APBB2: variants seen among roughly 807,000 people sequenced by gnomAD.
APBB2 encodes the protein amyloid beta precursor protein binding family B member 2.
In APBB2, 38 loss-of-function variants were observed where a neutral mutation model predicts 82.5. The observed-to-expected ratio is 0.46, with a 90% CI of 0.36 to 0.60. The LOEUF is 0.60. APBB2 is among the 20% of genes least tolerant of loss of function. The pLI is 0.00. For synonymous variants in APBB2, 341 were observed against 368.2 expected, an observed-to-expected ratio of 0.93 and a Z score of 0.85; for missense variants, 772 against 972.3, an observed-to-expected ratio of 0.79 and a Z score of 2.74.
chr4:40,951,553 G>A lies in APBB2; in HGVS notation c.836-6480C>T, dbSNP rs540312525. On this transcript the variant is annotated intron_variant, in intron 6 of 17. Transcript: ENST00000508593. ...TGCGTGGCAACTGAAGTGTCAATGC[G>A]GTAGGGACCTTCGTATCGTGGCTCA... Among the ~76,000 whole-genome samples the A allele has an allele frequency of 3.9e-5, 6 of 152,360 alleles. No individual in the cohort carries two copies. In the East Asian group the frequency reaches 9.6e-4, roughly 24 times the overall value.
At chr4:40,837,226 C>A (rs148232612) in intron 12 of APBB2, among the ~76,000 whole-genome samples, 1 of 152,186 alleles carries the variant, frequency 6.6e-6, no homozygotes, top group African/African-American at 2.4e-5. Flanking sequence ...AGGCGTCAGG[C>A]AGCCAAGCAG....
intron 12 of APBB2, among the ~76,000 whole-genome samples, chr4:40,842,938 G>T (rs745574307): frequency 1.1e-4 from 17 of 152,142 alleles, no homozygotes; most frequent in Non-Finnish European, 2.4e-4. Flanking sequence ...CAGCTCAATG[G>T]GGGAGAGATC....
At chr4:40,948,174 T>C (rs117506378) in intron 6 of APBB2, among the ~76,000 whole-genome samples, 2 of 152,350 alleles carry the variant, frequency 1.3e-5, no homozygotes, top group East Asian at 1.9e-4. Flanking sequence ...TTATTTTTCA[T>C]ACTGAGAAGT....
At chr4:41,062,123 G>A (rs6852523) in intron 4 of APBB2, among the ~76,000 whole-genome samples, 14,129 of 152,116 alleles carry the variant, frequency 0.093, 2,157 homozygotes, top group African/African-American at 0.32. Context: ...AGTAGCCTCT[G>A]CAGAACGTCA....
intron 12 of APBB2, chr4:40,880,119 T>C (rs980546784): frequency 3.0e-6 from 3 of 985,266 alleles, no homozygotes; most frequent in African/African-American, 3.5e-5. Context: ...TGATCTCCAG[T>C]GCGGATGGAG....
intron 1 of APBB2, among the ~76,000 whole-genome samples, chr4:41,165,534 TA>T (rs1272409210): frequency 6.6e-6 from 1 of 152,142 alleles, no homozygotes; most frequent in Non-Finnish European, 1.5e-5. Flanking sequence ...CTTAGCTCTT[TA>T]GTAATGCAAT....
intron 6 of APBB2, among the ~76,000 whole-genome samples, chr4:40,960,567 C>T (rs1235094293): frequency 2.0e-5 from 3 of 151,272 alleles, no homozygotes; most frequent in Non-Finnish European, 4.4e-5. Context: ...CCTGCCTCAG[C>T]CTCCTGAGTA....
At position 40,839,195 on chromosome 4, in the gene APBB2, A is replaced by C. The variant is rs536211258; in HGVS notation, c.1530-8618T>G. Among the ~76,000 whole-genome samples the C allele has an allele frequency of 5.3e-5, 8 of 152,136 alleles. No individual in the cohort carries two copies. The East Asian group carries it at 1.5e-3, about 29-fold the overall frequency. On this transcript the variant is annotated intron_variant, in intron 12 of 17. Transcript: ENST00000508593. ...TAGACTCAAGCGATCCTCCCGTCTC[A>C]GCCTCCCAAGTAGCTGGGACTACAG...
chr4:40,881,528 C>CTTTTCTTTTTTTTTTTTTTTTTTTTTTTT (rs1553952936), intron 12 of APBB2: 11 of 154,424 alleles, frequency 7.1e-5, no homozygotes, highest in Admixed American at 2.2e-4. Context: ...CTTTTCTTTT[C>CTTTTCTTTTTTTTTTTTTTTTTTTTTTTT]TTTTTCTTTT....
chr4:41,017,887 C>T (rs1810460494), intron 5 of APBB2, among the ~76,000 whole-genome samples: 1 of 152,130 alleles, frequency 6.6e-6, no homozygotes, highest in Non-Finnish European at 1.5e-5. Flanking sequence ...TTGTGTTTGT[C>T]TTTAAATAAA....
intron 12 of APBB2, 101 bp from the exon 13 acceptor site, chr4:40,830,678 G>A: frequency 1.4e-6 from 1 of 689,890 alleles, no homozygotes; most frequent in Middle Eastern, 2.4e-4. Context: ...CGTGTCAATG[G>A]TAAACAATGT....
At chr4:41,209,947 G>A (rs774929898) in intron 1 of APBB2, among the ~76,000 whole-genome samples, 4 of 152,150 alleles carry the variant, frequency 2.6e-5, no homozygotes, top group Non-Finnish European at 4.4e-5. Flanking sequence ...ATTTTTCCAC[G>A]GATGGGGTTG....
intron 12 of APBB2, among the ~76,000 whole-genome samples, chr4:40,881,680 T>C (rs139293481): frequency 0.013 from 1,941 of 151,778 alleles, 19 homozygotes; most frequent in Non-Finnish European, 0.019. Context: ...ATTCCAGGTG[T>C]GCACTATCAC....
chr4:40,832,392 C>T lies in APBB2; in HGVS notation c.1530-1815G>A, dbSNP rs1752323425. On this transcript the variant is annotated intron_variant, in intron 12 of 17. Coordinates refer to ENST00000508593, the MANE Select transcript of APBB2 (RefSeq NM_004307.2). This position sits in a 1 kb window ranked among gnomAD's most constrained non-coding sequence, Gnocchi z 4.8. ...TCCAGCTCAGCAGCACCTCACCTGG[C>T]TGCCCCATGACGCTTTAATCACCGG... is the stretch of plus-strand genomic sequence containing the variant. Among the ~76,000 whole-genome samples the T allele has an allele frequency of 6.6e-6, 1 of 152,216 alleles. No homozygotes were observed. The highest frequency in any genetic ancestry group is 6.5e-5 in the Admixed American group (1 of 15,280).
intron 15 of APBB2, among the ~76,000 whole-genome samples, chr4:40,824,722 C>A (rs921140397): frequency 6.6e-6 from 1 of 152,116 alleles, no homozygotes; most frequent in Non-Finnish European, 1.5e-5. Context: ...AACTTCTGGG[C>A]TCAAGCAATC....
At chr4:41,135,506 T>C (rs1162752420) in intron 2 of APBB2, among the ~76,000 whole-genome samples, 1 of 152,232 alleles carries the variant, frequency 6.6e-6, no homozygotes, top group Non-Finnish European at 1.5e-5. Context: ...TCAGAAACTT[T>C]GAATAGCTAT....
intron 10 of APBB2, among the ~76,000 whole-genome samples, chr4:40,931,843 T>G (rs1453027222): frequency 2.0e-5 from 3 of 152,074 alleles, no homozygotes; most frequent in Non-Finnish European, 4.4e-5. Flanking sequence ...TCTCCTCACA[T>G]CTTCTATGGA....
At chr4:40,918,661 C>A (rs554996710) in intron 10 of APBB2, among the ~76,000 whole-genome samples, 3 of 152,176 alleles carry the variant, frequency 2.0e-5, no homozygotes, top group African/African-American at 7.2e-5. Flanking sequence ...ATGGGGGCAG[C>A]TTTCTTTCTT....
intron 3 of APBB2, among the ~76,000 whole-genome samples, chr4:41,069,510 C>T (rs916786606): frequency 4.6e-5 from 7 of 152,146 alleles, no homozygotes; most frequent in African/African-American, 1.7e-4. Context: ...ATTCTGTTAA[C>T]AGGAACAAGA....
Sources: allele counts gnomAD v4.1 joint callset (sites outside exome capture counted in the v4.1 genomes callset), GRCh38; gene constraint gnomAD v4.1.1; non-coding constraint Gnocchi (gnomAD v3.1); transcripts MANE v1.5; gene names NCBI Gene and HGNC (gene_info 2026-07-23, HGNC 2026-07-21).